RXRG: variants seen among roughly 807,000 people sequenced by gnomAD.
RXRG encodes the protein retinoid X receptor gamma.
In RXRG, 19 loss-of-function variants were observed where a neutral mutation model predicts 49.2. That is an observed-to-expected ratio of 0.39 (90% confidence interval 0.27 to 0.57). The LOEUF is 0.57. Among genes scored for constraint, RXRG ranks in the 20% least tolerant of loss-of-function variants. The probability of loss-of-function intolerance (pLI) is 0.64; values close to 1 mark genes in which losing one functional copy is unlikely to be tolerated. For missense variants in RXRG, 452 were observed against 592.5 expected (o/e 0.76, Z 2.46); for synonymous variants, 224 against 216.6 (o/e 1.03, Z -0.30).
In RXRG at chr1:165,401,395, C is replaced by T. The variant is rs1166985005; in HGVS notation, c.1260G>A (p.Leu420=). ...PEQPGRFAKL[L]LRLPALRSIG... ...TGGAACGCAGAGCTGGGAGGCGCAG[C>T]AGCAGCTTGGCAAACCTGCAGGGAA... is the stretch of plus-strand genomic sequence containing the variant. Residue 420 remains leucine (L), a synonymous_variant, in exon 10 of 10, where the codon CTG becomes CTA. Transcript: ENST00000359842. 1 of 1,614,100 alleles carries T rather than the reference C, an allele frequency of 6.2e-7. No individual in the cohort carries two copies. The highest frequency in any genetic ancestry group is 1.1e-5 in the South Asian group (1 of 91,080).
chr1:165,409,359 G>A (rs1465450933), intron 7 of RXRG, among the ~76,000 whole-genome samples, 199 bp downstream of exon 7: 1 of 152,058 alleles, frequency 6.6e-6, no homozygotes, highest in African/African-American at 2.4e-5. Context: ...TCATTCCCCA[G>A]GTTTATAGTT....
At chr1:165,418,245 G>T (rs1209145948) in intron 3 of RXRG, among the ~76,000 whole-genome samples, 43 of 152,004 alleles carry the variant, frequency 2.8e-4, no homozygotes, top group Admixed American at 2.4e-3. Flanking sequence ...GGCTAATTTA[G>T]GTCAGGAGAG....
At chr1:165,440,814 G>A (rs1658959728) in intron 1 of RXRG, among the ~76,000 whole-genome samples, 2 of 152,170 alleles carry the variant, frequency 1.3e-5, no homozygotes, top group Non-Finnish European at 1.5e-5. Context: ...GCTTCATAAT[G>A]AGGGGAAGGA....
rs543975745 is a variant in RXRG at position 165,419,913 on chromosome 1, A to T, written c.399T>A (p.Ser133=). The part of the protein sequence containing the change: ...NMNYPSTSPG[S]LVKHICAICG... ...AGATGGCACAGATGTGTTTAACCAG[A>T]GATCCGGGGCTGGTGGATGGGTAGT... is the stretch of plus-strand genomic sequence containing the variant. Residue 133 remains serine, a synonymous_variant, in exon 3 of 10, where the codon TCT becomes TCA. Coordinates refer to ENST00000359842, the MANE Select transcript of RXRG (RefSeq NM_006917.5). The T allele has an allele frequency of 2.5e-6, 4 of 1,613,440 alleles. No individual in the cohort carries two copies. The South Asian group carries it at 3.3e-5, about 13-fold the overall frequency.
chr1:165,412,478 A>G (rs1390033139), intron 4 of RXRG, among the ~76,000 whole-genome samples: 2 of 152,208 alleles, frequency 1.3e-5, no homozygotes, highest in Non-Finnish European at 2.9e-5. Context: ...AAACTTTTTC[A>G]CATATAACTC....
intron 1 of RXRG, among the ~76,000 whole-genome samples, chr1:165,440,389 G>A (rs996664065): frequency 1.3e-5 from 2 of 152,146 alleles, no homozygotes; most frequent in African/African-American, 4.8e-5. Context: ...AAAATGCTTA[G>A]CACCAGAAGT....
At chr1:165,430,114 A>G (rs1431518637) in intron 1 of RXRG, among the ~76,000 whole-genome samples, 2 of 152,296 alleles carry the variant, frequency 1.3e-5, no homozygotes, top group Admixed American at 6.5e-5. Flanking sequence ...AGCTGTCCAC[A>G]TGGATAGAAA....
intron 1 of RXRG, among the ~76,000 whole-genome samples, chr1:165,439,435 T>C (rs166897): frequency 0.22 from 32,726 of 152,094 alleles, 4,191 homozygotes; most frequent in African/African-American, 0.35. Flanking sequence ...GCTACATGAA[T>C]CCAGGTGGAA....
At chr1:165,407,443 C>T (rs1657791882) in intron 8 of RXRG, among the ~76,000 whole-genome samples, 1 of 152,218 alleles carries the variant, frequency 6.6e-6, no homozygotes, top group African/African-American at 2.4e-5. Context: ...CTCCAGGACA[C>T]CACCCTTCTG....
At chr1:165,444,384 A>T (rs1659095013) in intron 1 of RXRG, among the ~76,000 whole-genome samples, 1 of 152,216 alleles carries the variant, frequency 6.6e-6, no homozygotes, top group African/African-American at 2.4e-5. Context: ...TAAAACAATC[A>T]TGCCCTTGTT....
chr1:165,428,262 C>T (rs1658555536), intron 2 of RXRG, among the ~76,000 whole-genome samples: 1 of 152,218 alleles, frequency 6.6e-6, no homozygotes, highest in Non-Finnish European at 1.5e-5. Flanking sequence ...GCCTTGTTCT[C>T]AACTTATCCA....
In RXRG at chr1:165,419,856, G is replaced by A; in HGVS notation, c.442+14C>T. 6.3e-7 allele frequency: 1 copy of A among 1,593,630 alleles called. No homozygotes were observed. Among genetic ancestry groups the A allele is most frequent in the Non-Finnish European group, 8.6e-7 (1 of 1,168,364 alleles). On this transcript the variant is annotated intron_variant, in intron 3 of 9. Transcript: ENST00000359842. The stretch of plus-strand genomic sequence containing the variant: ...CTGTGGCACTTTTCAGGGAGTGTCT[G>A]CTTCTGCATGTACCTGAGGATCTGT...
At chr1:165,433,909 A>G (rs1378973219) in intron 1 of RXRG, among the ~76,000 whole-genome samples, 3 of 152,122 alleles carry the variant, frequency 2.0e-5, no homozygotes, top group East Asian at 3.9e-4. Context: ...ACAGTGCATA[A>G]CTCTACAATG....
chr1:165,441,547 G>A (rs1366569222), intron 1 of RXRG, among the ~76,000 whole-genome samples: 2 of 152,200 alleles, frequency 1.3e-5, no homozygotes, highest in African/African-American at 2.4e-5. Flanking sequence ...AAAGGAGTAC[G>A]AGAACAATGG....
chr1:165,433,193 CAG>C (rs1405684263), intron 1 of RXRG, among the ~76,000 whole-genome samples: 4 of 152,136 alleles, frequency 2.6e-5, no homozygotes, highest in Non-Finnish European at 5.9e-5. Context: ...TCTTTGGAAG[CAG>C]AGAGTGGACC....
At chr1:165,410,602 A>C in intron 6 of RXRG, 100 bp downstream of exon 6, 3 of 1,351,384 alleles carry the variant, frequency 2.2e-6, no homozygotes, top group Non-Finnish European at 3.1e-6. Context: ...AGCATGGTAC[A>C]TAGCTTGGAC....
At chr1:165,423,727 A>T (rs747579751) in intron 2 of RXRG, among the ~76,000 whole-genome samples, 1 of 152,024 alleles carries the variant, frequency 6.6e-6, no homozygotes, top group Non-Finnish European at 1.5e-5. Flanking sequence ...AGGGAGGTTG[A>T]GGCTTCAAGT....
At position 165,444,897 on chromosome 1, in the gene RXRG, T is replaced by C; in HGVS notation, c.-4A>G. On this transcript the variant is annotated 5_prime_UTR_variant, in exon 1 of 10. Coordinates refer to ENST00000359842, the MANE Select transcript of RXRG (RefSeq NM_006917.5). ...AGTGAGAATAATTTCCATACATGTT[T>C]ACTCGTCAGTTCATGTTCCTCTCCT... The C allele has an allele frequency of 3.1e-6, 5 of 1,609,566 alleles. No homozygotes were observed. The highest frequency in any genetic ancestry group is 4.3e-6 in the Non-Finnish European group (5 of 1,175,958).
intron 1 of RXRG, among the ~76,000 whole-genome samples, chr1:165,436,126 G>A (rs898321395): frequency 1.3e-5 from 2 of 152,164 alleles, no homozygotes; most frequent in African/African-American, 2.4e-5. Flanking sequence ...TGGATTGACT[G>A]TCAAAGCTAC....
Sources: allele counts gnomAD v4.1 joint callset (sites outside exome capture counted in the v4.1 genomes callset), GRCh38; gene constraint gnomAD v4.1.1; transcripts MANE v1.5; gene names NCBI Gene and HGNC (gene_info 2026-07-23, HGNC 2026-07-21).